The following RBFOX1 variants were observed in gnomAD, a reference collection of about 807,000 sequenced individuals.
RBFOX1 encodes RNA binding protein fox-1 homolog 1.
Under a neutral mutation model 57.7 loss-of-function variants are expected in RBFOX1, and 8 were observed. The observed-to-expected ratio is 0.14, with a 90% CI of 0.08 to 0.25. RBFOX1 has a LOEUF of 0.25. Among genes scored for constraint, RBFOX1 ranks in the 10% least tolerant of loss-of-function variants. The probability of loss-of-function intolerance (pLI) is 1.00; values close to 1 mark genes in which losing one functional copy is unlikely to be tolerated. For synonymous variants in RBFOX1, 326 were observed against 222.4 expected, an observed-to-expected ratio of 1.47 and a Z score of -4.15; for missense variants, 611 against 548.5, an observed-to-expected ratio of 1.11 and a Z score of -1.14.
intron 1 of RBFOX1, among the ~76,000 whole-genome samples, chr16:5,284,752 T>C (rs2151157548): frequency 7.6e-6 from 1 of 131,200 alleles, no homozygotes; most frequent in South Asian, 2.5e-4. Context: ...TAGTTTTGGC[T>C]TAGATTTTTT....
At chr16:7,069,281 C>T (rs1240360664) in intron 4 of RBFOX1, among the ~76,000 whole-genome samples, 3 of 152,154 alleles carry the variant, frequency 2.0e-5, no homozygotes, top group South Asian at 2.1e-4. Flanking sequence ...TGTTTTGCTG[C>T]ACCTGTCATC....
At chr16:6,415,113 T>C (rs2093584835) in intron 2 of RBFOX1, among the ~76,000 whole-genome samples, 1 of 149,214 alleles carries the variant, frequency 6.7e-6, no homozygotes, top group South Asian at 2.2e-4. Flanking sequence ...CGTGGTGGCA[T>C]GTGTCTGTAA....
chr16:6,949,696 T>C (rs1335566198), intron 3 of RBFOX1, among the ~76,000 whole-genome samples: 3 of 152,182 alleles, frequency 2.0e-5, no homozygotes, highest in Non-Finnish European at 4.4e-5. Flanking sequence ...TACCTCCTTC[T>C]AGGTCCTACC....
At chr16:5,753,540 C>T (rs916097389) in intron 3 of RBFOX1, among the ~76,000 whole-genome samples, 1 of 152,166 alleles carries the variant, frequency 6.6e-6, no homozygotes, top group African/African-American at 2.4e-5. Context: ...TATAGGACCT[C>T]TCCTCCAGTG....
chr16:6,353,378 A>C (rs1181198478), intron 2 of RBFOX1, among the ~76,000 whole-genome samples: 1 of 151,632 alleles, frequency 6.6e-6, no homozygotes, highest in African/African-American at 2.4e-5. Context: ...GTATTAGCTC[A>C]TTTGCCATCC....
chr16:7,501,520 A>G (rs961017207), intron 4 of RBFOX1, among the ~76,000 whole-genome samples: 1 of 152,190 alleles, frequency 6.6e-6, no homozygotes, highest in Non-Finnish European at 1.5e-5. Flanking sequence ...TGAGAGCTTT[A>G]CAATCCAGTA....
intron 2 of RBFOX1, among the ~76,000 whole-genome samples, chr16:6,645,888 C>A (rs1012561210): frequency 6.6e-6 from 1 of 152,094 alleles, no homozygotes; most frequent in African/African-American, 2.4e-5. Flanking sequence ...AACTCGGCCT[C>A]CTTGTGCAGA....
Position 6,693,606 on chromosome 16 carries a change from CCAT to C in RBFOX1, c.-16+38965_-16+38967del, listed in dbSNP as rs200510983. Among the ~76,000 whole-genome samples, 60 of 151,952 alleles carry C rather than the reference CCAT, an allele frequency of 3.9e-4. No homozygotes were observed. In the East Asian group the frequency reaches 7.0e-3, roughly 18 times the overall value. ...TCATCATCCTCCACTACCATCACCA[CCAT>C]CATCATCAACACATTTTTATTCACT... On this transcript the variant is annotated intron_variant, in intron 3 of 15. Transcript: ENST00000550418.
At chr16:7,169,723 C>T (rs115910794) in intron 4 of RBFOX1, among the ~76,000 whole-genome samples, 1 of 152,276 alleles carries the variant, frequency 6.6e-6, no homozygotes, top group East Asian at 1.9e-4. Context: ...TATGATGATA[C>T]AGAGCATTAA....
Position 6,623,575 on chromosome 16 carries a change from C to T in RBFOX1, c.-63-31028C>T, listed in dbSNP as rs145998589. Among the ~76,000 whole-genome samples the T allele has an allele frequency of 1.1e-4, 17 of 152,066 alleles. No individual in the cohort carries two copies. The East Asian group carries it at 3.3e-3, about 29-fold the overall frequency. On this transcript the variant is annotated intron_variant, in intron 2 of 15. Transcript: ENST00000550418. ...CGTCATTTAACATTAGGTATATCTC[C>T]TAATGCTATCCCTCCCCCTGCCCCA...
chr16:6,928,561 A>G (rs2076012615), intron 3 of RBFOX1, among the ~76,000 whole-genome samples: 1 of 152,114 alleles, frequency 6.6e-6, no homozygotes, highest in African/African-American at 2.4e-5. Context: ...TGTTGGCCCA[A>G]GGAAATTATA....
At chr16:7,295,339 C>G (rs1457415207) in intron 4 of RBFOX1, among the ~76,000 whole-genome samples, 1 of 151,962 alleles carries the variant, frequency 6.6e-6, no homozygotes, top group Non-Finnish European at 1.5e-5. Context: ...CTTTGTTGGT[C>G]TCGTTTGTGT....
chr16:6,866,070 G>A (rs146663000), intron 3 of RBFOX1, among the ~76,000 whole-genome samples: 5 of 152,042 alleles, frequency 3.3e-5, no homozygotes, highest in Admixed American at 2.0e-4. Context: ...GATTGAAATA[G>A]AAGCCAAAAG....
At chr16:6,300,053 C>T (rs1267313507) in intron 1 of RBFOX1, among the ~76,000 whole-genome samples, 1 of 152,120 alleles carries the variant, frequency 6.6e-6, no homozygotes, top group Admixed American at 6.5e-5. Flanking sequence ...CATGGTTGAA[C>T]CTGGAGGTCA....
At chr16:7,337,577 A>G (rs368838524) in intron 4 of RBFOX1, among the ~76,000 whole-genome samples, 24 of 152,328 alleles carry the variant, frequency 1.6e-4, no homozygotes, top group African/African-American at 5.5e-4. Context: ...AGGAATCTCA[A>G]CAATGGAACT....
chr16:7,272,253 C>T (rs759966559), intron 4 of RBFOX1, among the ~76,000 whole-genome samples: 5 of 152,146 alleles, frequency 3.3e-5, no homozygotes, highest in Non-Finnish European at 5.9e-5. Context: ...GGTATCACCT[C>T]GGCTCACTGC....
At chr16:6,554,336 A>G (rs2097053472) in intron 2 of RBFOX1, among the ~76,000 whole-genome samples, 1 of 152,172 alleles carries the variant, frequency 6.6e-6, no homozygotes, top group African/African-American at 2.4e-5. Context: ...AGTGTTGGGA[A>G]TAGGCAAGTC....
At chr16:6,512,035 C>G (rs1475209983) in intron 2 of RBFOX1, among the ~76,000 whole-genome samples, 1 of 151,868 alleles carries the variant, frequency 6.6e-6, no homozygotes, top group African/African-American at 2.4e-5. Context: ...CTCTGAGAGG[C>G]CAAGGCAGGA....
intron 1 of RBFOX1, among the ~76,000 whole-genome samples, chr16:5,272,457 T>G (rs1358043921): frequency 6.6e-6 from 1 of 152,186 alleles, no homozygotes; most frequent in Non-Finnish European, 1.5e-5. Flanking sequence ...GAGTCCTTGG[T>G]CCACGAATGT....
Sources: gnomAD v4.1 joint callset for allele counts (sites outside exome capture counted in the v4.1 genomes callset) on GRCh38, gnomAD v4.1.1 for gene constraint, MANE v1.5 for transcripts, NCBI Gene and HGNC (gene_info 2026-07-23, HGNC 2026-07-21) for gene names.